Variants in ZC3H4 observed in about 807,000 individuals in gnomAD.
ZC3H4 encodes zinc finger CCCH-type containing 4, also known as zinc finger CCCH domain-containing protein 4.
A neutral mutation model predicts 108.3 loss-of-function variants in ZC3H4; 13 were observed. The observed-to-expected ratio is 0.12, with a 90% CI of 0.08 to 0.19. ZC3H4 has a LOEUF of 0.19. ZC3H4 is among the 10% of genes least tolerant of loss of function. The pLI, the probability that ZC3H4 is intolerant of heterozygous loss-of-function variation, is 1.00. For missense variants in ZC3H4, 1,734 were observed against 1,838.8 expected (o/e 0.94, Z 1.04); for synonymous variants, 917 against 749.6 (o/e 1.22, Z -3.65).
intron 11 of ZC3H4, among the ~76,000 whole-genome samples, chr19:47,078,487 A>T (rs2057462075): frequency 6.6e-6 from 1 of 151,520 alleles, no homozygotes. Flanking sequence ...CCGTTTCAAA[A>T]AAAACAAAAA....
At chr19:47,091,932 C>T (rs184998663) in intron 4 of ZC3H4, among the ~76,000 whole-genome samples, 8 of 151,868 alleles carry the variant, frequency 5.3e-5, no homozygotes, top group East Asian at 1.9e-4. Context: ...AAGTCGGCTG[C>T]GCATGGTGGC....
chr19:47,076,328 C>T (rs867100661), intron 11 of ZC3H4, among the ~76,000 whole-genome samples: 15 of 11,236 alleles, frequency 1.3e-3, no homozygotes, highest in South Asian at 4.5e-3. Flanking sequence ...CGCGCGCGCA[C>T]ACACACACAC....
chr19:47,112,258 G>C (rs761106038), intron 2 of ZC3H4, 166 bp downstream of exon 2: 2 of 1,144,844 alleles, frequency 1.7e-6, no homozygotes, highest in Non-Finnish European at 2.2e-6. Context: ...AAGCGAGAAA[G>C]AGCGAGCGAG....
chr19:47,091,740 A>AG (rs967210558), intron 4 of ZC3H4, among the ~76,000 whole-genome samples: 10 of 149,840 alleles, frequency 6.7e-5, no homozygotes, highest in African/African-American at 2.5e-4. Context: ...ACAAAAAAAA[A>AG]AAATTTGCCA....
rs375563795 is a variant in ZC3H4 at position 47,067,500 on chromosome 19, G to A, written c.2768C>T (p.Thr923Met). 72 of 1,585,352 alleles carry A rather than the reference G, an allele frequency of 4.5e-5. No homozygotes were observed. Among genetic ancestry groups the A allele is most frequent in the South Asian group, 3.8e-4 (33 of 87,160 alleles). The change falls in exon 15 of 15, where the codon ACG becomes ATG. Residue 923 changes from threonine to methionine, a missense_variant. Physicochemically the swap from Thr to Met is moderately conservative, Grantham distance 81 (BLOSUM62 -1). Transcript: ENST00000253048. This position sits in a 1 kb window ranked among gnomAD's most constrained non-coding sequence, Gnocchi z 6.4. Reference protein sequence around the residue: ...SSSKGSGPPPTEEEEGERALR... With the variant: ...SSSKGSGPPPMEEEEGERALR... ...GGCCCGCTCCCCTTCCTCCTCCTCC[G>A]TTGGGGGCGGCCCAGACCCCTTGGA...
chr19:47,086,542 C>A lies in ZC3H4; in HGVS notation c.716-4G>T. On this transcript the variant is annotated splice_polypyrimidine_tract_variant and splice_region_variant and intron_variant, in intron 5 of 14. Transcript: ENST00000253048. Reference sequence around the variant, plus strand: ...CCCCGGCCCCGGCCTCGGCTGCCTGCATGGAGATTCAGATAGTGAGCCTCC... The same window carrying A: ...CCCCGGCCCCGGCCTCGGCTGCCTGAATGGAGATTCAGATAGTGAGCCTCC... The A allele has an allele frequency of 6.3e-7, 1 of 1,580,502 alleles. No individual in the cohort carries two copies. The highest frequency in any genetic ancestry group is 8.5e-7 in the Non-Finnish European group (1 of 1,171,484).
At chr19:47,080,382 C>A (rs1183180688) in intron 11 of ZC3H4, among the ~76,000 whole-genome samples, 1 of 152,154 alleles carries the variant, frequency 6.6e-6, no homozygotes, top group African/African-American at 2.4e-5. Context: ...CTTTAGAGAC[C>A]CCCAACTTCC....
In ZC3H4 at chr19:47,094,440, C is replaced by T; in HGVS notation, c.330G>A (p.Glu110=). The T allele has an allele frequency of 6.2e-7, 1 of 1,614,204 alleles. No individual in the cohort carries two copies. The highest frequency in any genetic ancestry group is 8.5e-7 in the Non-Finnish European group (1 of 1,180,028). Reference sequence around the variant, plus strand: ...TCGACCTCCTTTTCTCTTTCTCCCGCTCTTTCTTCCGTTTCCGCTTCAGTC... The same window carrying T: ...TCGACCTCCTTTTCTCTTTCTCCCGTTCTTTCTTCCGTTTCCGCTTCAGTC... ...HRRLKRKRKK[E]REKEKRRSKK... Residue 110 remains glutamate, a synonymous_variant, in exon 3 of 15, where the codon GAG becomes GAA. Coordinates refer to ENST00000253048, the MANE Select transcript of ZC3H4 (RefSeq NM_015168.2).
chr19:47,094,327 C>T, intron 3 of ZC3H4, 62 bp downstream of exon 3: 1 of 1,588,580 alleles, frequency 6.3e-7, no homozygotes, highest in Non-Finnish European at 8.6e-7. Flanking sequence ...AAGCTCAGCC[C>T]CTGGGGCTCT....
intron 5 of ZC3H4, among the ~76,000 whole-genome samples, chr19:47,088,322 C>T (rs774369957): frequency 7.9e-5 from 12 of 151,888 alleles, no homozygotes; most frequent in Non-Finnish European, 1.3e-4. Context: ...CCGAGGTAGG[C>T]GGATCACGAG....
intron 11 of ZC3H4, among the ~76,000 whole-genome samples, chr19:47,079,866 GAC>G: frequency 6.6e-6 from 1 of 152,264 alleles, no homozygotes; most frequent in East Asian, 1.9e-4. Flanking sequence ...CAGCCTGGGT[GAC>G]AGAGTGAGAC....
chr19:47,078,817 C>T, intron 11 of ZC3H4, among the ~76,000 whole-genome samples: 1 of 152,066 alleles, frequency 6.6e-6, no homozygotes, highest in East Asian at 2.0e-4. Flanking sequence ...CGAGATGGTG[C>T]CATTGCACTT....
chr19:47,071,767 G>T lies in ZC3H4; in HGVS notation c.2146+11C>A, dbSNP rs1362453550. 3 of 1,590,402 alleles carry T rather than the reference G, an allele frequency of 1.9e-6. No homozygotes were observed. Among genetic ancestry groups the T allele is most frequent in the Non-Finnish European group, 2.6e-6 (3 of 1,170,316 alleles). ...GCAGCCCCAGGCAGCCACACCTGGA[G>T]TCCCGCATACCTGCATCCCCCAGGA... On this transcript the variant is annotated intron_variant, in intron 13 of 14. Coordinates refer to ENST00000253048, the MANE Select transcript of ZC3H4 (RefSeq NM_015168.2).
At chr19:47,085,536 G>A (rs1031480430) in intron 6 of ZC3H4, 122 bp from the exon 7 acceptor site, 3 of 844,970 alleles carry the variant, frequency 3.6e-6, no homozygotes, top group Non-Finnish European at 5.4e-6. Context: ...ACCATAACCC[G>A]TTTCCACACA....
rs936515276 is a variant in ZC3H4 at position 47,088,832 on chromosome 19, C to T, written c.715+1135G>A. On this transcript the variant is annotated intron_variant, in intron 5 of 14. Coordinates refer to ENST00000253048, the MANE Select transcript of ZC3H4 (RefSeq NM_015168.2). ...TATAAACGACATGGTGGCTTCCAATCTATTTCTACTTGACAGCACTGGCCT... is the reference window on the plus strand; with the variant it reads ...TATAAACGACATGGTGGCTTCCAATTTATTTCTACTTGACAGCACTGGCCT... Among the ~76,000 whole-genome samples the T allele has an allele frequency of 3.9e-5, 6 of 152,288 alleles. No individual in the cohort carries two copies. In the East Asian group the frequency reaches 5.8e-4, roughly 15 times the overall value.
chr19:47,104,143 A>C (rs2057939616), intron 2 of ZC3H4, among the ~76,000 whole-genome samples: 1 of 151,762 alleles, frequency 6.6e-6, no homozygotes, highest in East Asian at 1.9e-4. Flanking sequence ...ACATGGTAAA[A>C]CCCCATCTCT....
intron 2 of ZC3H4, among the ~76,000 whole-genome samples, chr19:47,106,699 C>G (rs866745084): frequency 6.6e-6 from 1 of 152,182 alleles, no homozygotes; most frequent in Admixed American, 6.5e-5. Flanking sequence ...AATACGAAGC[C>G]TGGTAAAGGC....
intron 11 of ZC3H4, among the ~76,000 whole-genome samples, chr19:47,076,680 C>T (rs942845003): frequency 1.3e-5 from 2 of 151,952 alleles, no homozygotes; most frequent in Middle Eastern, 3.2e-3. Flanking sequence ...ATGGTGAAAC[C>T]TTATCTCTAC....
At position 47,095,593 on chromosome 19, in the gene ZC3H4, G is replaced by T. The variant is rs575970701; in HGVS notation, c.162-985C>A. Among the ~76,000 whole-genome samples, 4 of 152,198 alleles carry T rather than the reference G, an allele frequency of 2.6e-5. No individual in the cohort carries two copies. The South Asian group carries it at 8.3e-4, about 32-fold the overall frequency. ...GACTTTAAAAGTGCTCTCCAAACAT[G>T]ACAGACACTGCCCAGTGGACATTCT... is the stretch of plus-strand genomic sequence containing the variant. On this transcript the variant is annotated intron_variant, in intron 2 of 14. Transcript: ENST00000253048.
Sources: allele counts gnomAD v4.1 joint callset (sites outside exome capture counted in the v4.1 genomes callset), GRCh38; gene constraint gnomAD v4.1.1; non-coding constraint Gnocchi (gnomAD v3.1); transcripts MANE v1.5; gene names NCBI Gene and HGNC (gene_info 2026-07-23, HGNC 2026-07-21).